PCSK6: variants seen among roughly 807,000 people sequenced by gnomAD.
The protein encoded by PCSK6 is paired basic amino acid cleaving enzyme 4.
Under a neutral mutation model 123.3 loss-of-function variants are expected in PCSK6, and 85 were observed. The observed-to-expected ratio is 0.69, with a 90% CI of 0.58 to 0.83. The LOEUF (loss-of-function observed/expected upper bound fraction) is 0.83. Among genes scored for constraint, PCSK6 ranks in the 40% least tolerant of loss-of-function variants. PCSK6 has a pLI of 0.00. For synonymous variants in PCSK6, 508 were observed against 516.0 expected (o/e 0.98, Z 0.21); for missense variants, 1,191 against 1,282.3 (o/e 0.93, Z 1.09).
intron 1 of PCSK6, among the ~76,000 whole-genome samples, chr15:101,477,513 T>A (rs1291260968): frequency 4.6e-5 from 7 of 152,184 alleles, no homozygotes; most frequent in Admixed American, 4.6e-4. Flanking sequence ...ACGCACACAC[T>A]CAGACACAGA....
At chr15:101,363,261 C>T (rs746674024) in intron 13 of PCSK6, among the ~76,000 whole-genome samples, 5 of 152,210 alleles carry the variant, frequency 3.3e-5, no homozygotes, top group African/African-American at 9.6e-5. Flanking sequence ...GGGTAGGGCT[C>T]GTTGTATTCG....
Position 101,475,238 on chromosome 15 carries a change from G to A in PCSK6, c.297+14136C>T, listed in dbSNP as rs575386106. 2.6e-5 allele frequency among the ~76,000 whole-genome samples: 4 copies of A among 152,268 alleles called. No homozygotes were observed. In the South Asian group the frequency reaches 6.2e-4, roughly 24 times the overall value. On this transcript the variant is annotated intron_variant, in intron 1 of 21. Transcript: ENST00000611716. ...TCATCTCTGAATTACACTGAGTGAC[G>A]AGCCCAAAGCCTGGCAAACAAATGG...
At position 101,331,885 on chromosome 15, in the gene PCSK6, C is replaced by T; in HGVS notation, c.2005G>A (p.Val669Met). Residue 669 changes from valine (V) to methionine (M), a missense_variant, in exon 14 of 22, where the codon GTG becomes ATG. Around this residue, in one of 3 missense-constraint regions of PCSK6, gnomAD observed 630 missense variants for 631.4 expected, o/e 1.00. Transcript: ENST00000611716. ...TCTTCCTCATCTTCAGGAACTTCCA[C>T]CTGGGAGGGTGACAGGGCAGCCTTG... ...PPKAALSPSQ[V>M]EVPEDEEDYT... 3.7e-6 allele frequency: 6 copies of T among 1,613,420 alleles called. No individual in the cohort carries two copies. Among genetic ancestry groups the T allele is most frequent in the Non-Finnish European group, 5.1e-6 (6 of 1,179,514 alleles).
intron 17 of PCSK6, among the ~76,000 whole-genome samples, chr15:101,323,387 G>A (rs376764501): frequency 2.6e-5 from 4 of 152,352 alleles, no homozygotes; most frequent in South Asian, 2.1e-4. Context: ...CAGGGCAAGC[G>A]TTTGCAAAGG....
intron 2 of PCSK6, among the ~76,000 whole-genome samples, chr15:101,438,761 C>T (rs758969608): frequency 6.6e-6 from 1 of 152,238 alleles, no homozygotes; most frequent in African/African-American, 2.4e-5. Context: ...TCGTTCCCAA[C>T]AAACACTGCT....
intron 18 of PCSK6, among the ~76,000 whole-genome samples, chr15:101,322,247 G>A (rs576922613): frequency 2.0e-5 from 3 of 152,300 alleles, no homozygotes; most frequent in South Asian, 2.1e-4. Flanking sequence ...GAAAGGAGGC[G>A]GATCTGGGCA....
At chr15:101,315,269 A>G (rs1259578727) in intron 19 of PCSK6, among the ~76,000 whole-genome samples, 2 of 152,222 alleles carry the variant, frequency 1.3e-5, no homozygotes, top group African/African-American at 4.8e-5. Context: ...AAGATGGTAC[A>G]TTTTATGTGA....
intron 15 of PCSK6, among the ~76,000 whole-genome samples, chr15:101,330,424 C>T (rs568547329): frequency 6.6e-6 from 1 of 152,246 alleles, no homozygotes; most frequent in Non-Finnish European, 1.5e-5. Flanking sequence ...CCGCACACCC[C>T]GTCTCATATC....
chr15:101,331,452 T>C (rs2141370915), intron 15 of PCSK6, among the ~76,000 whole-genome samples, 199 bp downstream of exon 15: 1 of 152,244 alleles, frequency 6.6e-6, no homozygotes, highest in East Asian at 1.9e-4. Flanking sequence ...CCTTCCCACA[T>C]CCTGACCTCA....
chr15:101,482,434 G>C (rs571607894), intron 1 of PCSK6, among the ~76,000 whole-genome samples: 11 of 152,352 alleles, frequency 7.2e-5, no homozygotes, highest in African/African-American at 2.6e-4. Flanking sequence ...AGCCCTCCCA[G>C]GGCAGGGTGA....
intron 1 of PCSK6, among the ~76,000 whole-genome samples, chr15:101,479,026 C>T (rs1408735442): frequency 2.0e-5 from 3 of 152,180 alleles, no homozygotes; most frequent in Non-Finnish European, 4.4e-5. Flanking sequence ...TTCTCAGTGC[C>T]AGGAACTGCA....
chr15:101,325,049 G>A lies in PCSK6; in HGVS notation c.2181-3C>T, dbSNP rs2040219249. 3.7e-6 allele frequency: 6 copies of A among 1,600,970 alleles called. No homozygotes were observed. Among genetic ancestry groups the A allele is most frequent in the East Asian group, 2.2e-5 (1 of 44,698 alleles). ...AGGGGCACACACTCACGCACTTCCT[G>A]TAGGAGCAAAGGCAGGAGGGTGAGG... On this transcript the variant is annotated splice_region_variant and splice_polypyrimidine_tract_variant and intron_variant, in intron 16 of 21. Transcript: ENST00000611716.
In PCSK6 at chr15:101,489,632, C is replaced by G. The variant is rs2058127398; in HGVS notation, c.39G>C (p.Pro13=). The part of the protein sequence containing the change: ...PRAPPAPGPR[P]PPRAAAATDT... ...CGGTGGCGGCGGCGGCCCGGGGCGG[C>G]GGCCGGGGCCCGGGCGCAGGCGGCG... Residue 13 remains proline (P), a synonymous_variant, in exon 1 of 22, where the codon CCG becomes CCC. Transcript: ENST00000611716. The G allele has an allele frequency of 2.1e-6, 2 of 974,732 alleles. No individual in the cohort carries two copies. Among genetic ancestry groups the G allele is most frequent in the Admixed American group, 1.3e-4 (2 of 15,486 alleles). The allele number at this position is 974,732 out of a possible 1,614,324, so 60.4% of individuals were successfully genotyped here. A position where few individuals can be genotyped will look rare whatever the true frequency, so the allele number is the denominator to read the frequency against.
chr15:101,470,827 C>T (rs951793488), intron 1 of PCSK6, among the ~76,000 whole-genome samples: 1 of 152,168 alleles, frequency 6.6e-6, no homozygotes, highest in Non-Finnish European at 1.5e-5. Context: ...GACGCCTGTC[C>T]GTTAGGACTC....
At chr15:101,452,927 C>A (rs2057074019) in intron 1 of PCSK6, among the ~76,000 whole-genome samples, 1 of 152,206 alleles carries the variant, frequency 6.6e-6, no homozygotes, top group Non-Finnish European at 1.5e-5. Context: ...ACCAGGTTCT[C>A]TGCGCTGGGT....
At chr15:101,368,730 G>A (rs1404181193) in intron 12 of PCSK6, among the ~76,000 whole-genome samples, 1 of 152,180 alleles carries the variant, frequency 6.6e-6, no homozygotes, top group African/African-American at 2.4e-5. Context: ...CTGCCAGCAC[G>A]GAAAACATGG....
At chr15:101,365,039 G>A (rs762497221) in intron 13 of PCSK6, 2 of 775,456 alleles carry the variant, frequency 2.6e-6, no homozygotes, top group Middle Eastern at 2.2e-4. Flanking sequence ...GGAGTCTCAA[G>A]ATCACCTAAT....
intron 2 of PCSK6, among the ~76,000 whole-genome samples, chr15:101,437,012 C>T (rs984974222): frequency 6.6e-6 from 1 of 152,144 alleles, no homozygotes; most frequent in African/African-American, 2.4e-5. Flanking sequence ...AGGACAGGCT[C>T]GAGTCCCAGA....
chr15:101,389,566 T>G lies in PCSK6; in HGVS notation c.1210-2A>C. The G allele has an allele frequency of 6.2e-7, 1 of 1,608,104 alleles. No individual in the cohort carries two copies. The highest frequency in any genetic ancestry group is 8.5e-7 in the Non-Finnish European group (1 of 1,175,682). On this transcript the variant is annotated splice_acceptor_variant, in intron 8 of 21. Coordinates refer to ENST00000611716, the MANE Select transcript of PCSK6 (RefSeq NM_002570.5). LOFTEE classifies it high-confidence loss of function. Reference sequence around the variant, plus strand: ...GCGCTGACGCAGATCCGTGGTGACCTGGGGGAGAGAGAAGCACAGTGAGGC... The same window carrying G: ...GCGCTGACGCAGATCCGTGGTGACCGGGGGGAGAGAGAAGCACAGTGAGGC...
Sources: gnomAD v4.1 joint callset for allele counts (sites outside exome capture counted in the v4.1 genomes callset) on GRCh38, gnomAD v4.1.1 for gene constraint, gnomAD v4.1.1 regional missense constraint, MANE v1.5 for transcripts, NCBI Gene and HGNC (gene_info 2026-07-23, HGNC 2026-07-21) for gene names.